Variants in ATF1 observed in about 807,000 individuals in gnomAD.
The protein encoded by ATF1 is cyclic AMP-dependent transcription factor ATF-1.
A neutral mutation model predicts 34.7 loss-of-function variants in ATF1; 16 were observed. The ratio of observed to expected loss-of-function variants is 0.46; its 90% CI spans 0.31 to 0.70. The LOEUF (loss-of-function observed/expected upper bound fraction) is 0.70. Ranked by LOEUF, ATF1 falls within the 30% of genes least tolerant of loss-of-function variation. The pLI is 0.05. For missense variants in ATF1, 255 were observed against 321.6 expected, an observed-to-expected ratio of 0.79 and a Z score of 1.58; for synonymous variants, 105 against 113.1, an observed-to-expected ratio of 0.93 and a Z score of 0.46.
chr12:50,781,979 A>C (rs1941072881), intron 2 of ATF1, among the ~76,000 whole-genome samples: 1 of 151,996 alleles, frequency 6.6e-6, no homozygotes, highest in Non-Finnish European at 1.5e-5. Flanking sequence ...GATGAGACTA[A>C]CGGATTTTAA....
At chr12:50,810,439 A>G (rs977008205) in intron 4 of ATF1, among the ~76,000 whole-genome samples, 2 of 149,622 alleles carry the variant, frequency 1.3e-5, no homozygotes, top group Admixed American at 6.7e-5. Context: ...GCTGGTCTCA[A>G]ACTCCTCCTG....
chr12:50,768,021 TG>T (rs1940681682), intron 1 of ATF1, among the ~76,000 whole-genome samples: 1 of 152,048 alleles, frequency 6.6e-6, no homozygotes, highest in Non-Finnish European at 1.5e-5. Context: ...TACAGGTGTG[TG>T]CCACTACGCC....
intron 2 of ATF1, among the ~76,000 whole-genome samples, chr12:50,794,648 T>C (rs559380508): frequency 1.3e-5 from 2 of 151,638 alleles, no homozygotes; most frequent in Non-Finnish European, 2.9e-5. Flanking sequence ...CTTAAAAAAT[T>C]GAGGCCAGAC....
intron 2 of ATF1, among the ~76,000 whole-genome samples, chr12:50,782,808 C>T (rs143179912): frequency 0.026 from 3,924 of 150,746 alleles, 171 homozygotes; most frequent in African/African-American, 0.091. Context: ...TCCTGCCTCA[C>T]CCTCCCGAGT....
intron 6 of ATF1, among the ~76,000 whole-genome samples, chr12:50,817,753 A>G (rs1941872174): frequency 1.3e-5 from 2 of 152,224 alleles, no homozygotes; most frequent in Non-Finnish European, 1.5e-5. Flanking sequence ...TATAGGTTAT[A>G]TAAAGATTTA....
intron 1 of ATF1, among the ~76,000 whole-genome samples, chr12:50,779,112 A>G (rs1269123696): frequency 6.6e-6 from 1 of 152,220 alleles, no homozygotes; most frequent in African/African-American, 2.4e-5. Context: ...CTAAGGCTGA[A>G]CAATATTCCA....
intron 3 of ATF1, among the ~76,000 whole-genome samples, chr12:50,796,330 G>A (rs952633660): frequency 1.3e-5 from 2 of 152,190 alleles, no homozygotes; most frequent in African/African-American, 4.8e-5. Flanking sequence ...GGAGTTTGAA[G>A]TTACAATGAT....
In ATF1 at chr12:50,796,263, C is replaced by T. The variant is rs528053286; in HGVS notation, c.194+254C>T. ...TACAAACCTTAGCTGGACATAGTGG[C>T]GCACGCCTGTAGTCCCATCTACTTA... On this transcript the variant is annotated intron_variant, in intron 3 of 6. Coordinates refer to ENST00000262053, the MANE Select transcript of ATF1 (RefSeq NM_005171.5). Among the ~76,000 whole-genome samples, 6 of 151,856 alleles carry T rather than the reference C, an allele frequency of 4.0e-5. No individual in the cohort carries two copies. In the South Asian group the frequency reaches 6.2e-4, roughly 16 times the overall value.
intron 2 of ATF1, among the ~76,000 whole-genome samples, chr12:50,795,302 T>C (rs552983764): frequency 6.6e-6 from 1 of 152,286 alleles, no homozygotes; most frequent in African/African-American, 2.4e-5. Flanking sequence ...GGTGACTCCT[T>C]AGTCTCATTT....
At chr12:50,785,484 G>A (rs1941168691) in intron 2 of ATF1, among the ~76,000 whole-genome samples, 1 of 152,058 alleles carries the variant, frequency 6.6e-6, no homozygotes, top group Admixed American at 6.6e-5. Context: ...TTTCTGTGCT[G>A]CAGAACAAAT....
intron 1 of ATF1, among the ~76,000 whole-genome samples, chr12:50,768,586 T>C (rs1281929335): frequency 6.6e-6 from 1 of 152,212 alleles, no homozygotes; most frequent in African/African-American, 2.4e-5. Context: ...ACCACTGTTA[T>C]CATCATCATC....
chr12:50,804,966 C>A (rs992110776), intron 3 of ATF1, among the ~76,000 whole-genome samples: 1 of 151,952 alleles, frequency 6.6e-6, no homozygotes. Context: ...CCCACCACCA[C>A]GCCCAGCTAA....
At chr12:50,776,561 C>T (rs572465974) in intron 1 of ATF1, among the ~76,000 whole-genome samples, 2 of 149,146 alleles carry the variant, frequency 1.3e-5, no homozygotes, top group Non-Finnish European at 3.0e-5. Context: ...AATGATATGA[C>T]CAGATAACTC....
Position 50,809,605 on chromosome 12 carries a change from A to C in ATF1, c.328+16A>C. ...GGACAGTACAGTATGTATAGGAATC[A>C]GTTTCCACATTATAAACACACAAAA... On this transcript the variant is annotated intron_variant, in intron 4 of 6. Coordinates refer to ENST00000262053, the MANE Select transcript of ATF1 (RefSeq NM_005171.5). 1 of 1,595,280 alleles carries C rather than the reference A, an allele frequency of 6.3e-7. No individual in the cohort carries two copies. Among genetic ancestry groups the C allele is most frequent in the Non-Finnish European group, 8.5e-7 (1 of 1,170,232 alleles).
At chr12:50,813,642 C>T (rs943085584) in intron 4 of ATF1, among the ~76,000 whole-genome samples, 4 of 152,036 alleles carry the variant, frequency 2.6e-5, no homozygotes, top group Non-Finnish European at 4.4e-5. Flanking sequence ...GGAGAAGCTC[C>T]GTCTCTACTA....
chr12:50,819,806 G>C lies in ATF1; in HGVS notation c.*27G>C, dbSNP rs777471204. The C allele has an allele frequency of 6.8e-7, 1 of 1,476,804 alleles. No individual in the cohort carries two copies. Among genetic ancestry groups the C allele is most frequent in the Admixed American group, 2.2e-5 (1 of 45,264 alleles). 91.5% of individuals were successfully genotyped at this position (1,476,804 alleles called of 1,614,324 possible). A position where few individuals can be genotyped will look rare whatever the true frequency, so the allele number is the denominator to read the frequency against. On this transcript the variant is annotated 3_prime_UTR_variant, in exon 7 of 7. Coordinates refer to ENST00000262053, the MANE Select transcript of ATF1 (RefSeq NM_005171.5). ...TCCTAAGAAAGAAAATATTTTTGTG[G>C]ACATGCATAAAAATTAAATGGATTT...
chr12:50,789,807 T>C (rs2139663105), intron 2 of ATF1, among the ~76,000 whole-genome samples: 1 of 152,184 alleles, frequency 6.6e-6, no homozygotes, highest in East Asian at 1.9e-4. Flanking sequence ...CCTTTCCTCC[T>C]TTGAAAGGTC....
rs575554570 is a variant in ATF1, at chr12:50,770,788, C to T, written c.-7+6481C>T. On this transcript the variant is annotated intron_variant, in intron 1 of 6. Coordinates refer to ENST00000262053, the MANE Select transcript of ATF1 (RefSeq NM_005171.5). ...GTTTCTGCAATTTAGGCTAACCCTG[C>T]GTATTCTTGTAAACCAACCAGTAAT... 3.2e-4 allele frequency among the ~76,000 whole-genome samples: 48 copies of T among 152,190 alleles called. No homozygotes were observed. In the South Asian group the frequency reaches 7.9e-3, roughly 25 times the overall value.
At chr12:50,818,189 A>G (rs1013314771) in intron 6 of ATF1, among the ~76,000 whole-genome samples, 3 of 152,190 alleles carry the variant, frequency 2.0e-5, no homozygotes, top group Admixed American at 1.3e-4. Flanking sequence ...GCTCATGCCC[A>G]TAATCCCGAC....
Sources: gnomAD v4.1 joint callset for allele counts (sites outside exome capture counted in the v4.1 genomes callset) on GRCh38, gnomAD v4.1.1 for gene constraint, MANE v1.5 for transcripts, NCBI Gene and HGNC (gene_info 2026-07-23, HGNC 2026-07-21) for gene names.